PARP14: variants seen among roughly 807,000 people sequenced by gnomAD.
The protein encoded by PARP14 is poly(ADP-ribose) polymerase family member 14.
A neutral mutation model predicts 154.2 loss-of-function variants in PARP14; 59 were observed. The observed-to-expected ratio is 0.38, with a 90% CI of 0.31 to 0.48. PARP14 has a LOEUF of 0.48. PARP14 is among the 20% of genes least tolerant of loss of function. PARP14 has a pLI of 0.98. For missense variants in PARP14, 1,734 were observed against 2,131.6 expected, an observed-to-expected ratio of 0.81 and a Z score of 3.67; for synonymous variants, 720 against 780.5, an observed-to-expected ratio of 0.92 and a Z score of 1.29.
chr3:122,704,469 T>G, intron 7 of PARP14, 58 bp from the exon 8 acceptor site: 1 of 1,109,834 alleles, frequency 9.0e-7, no homozygotes, highest in Non-Finnish European at 1.3e-6. Flanking sequence ...TCTTGTCCTT[T>G]TTGTTCTAAC....
chr3:122,697,844 G>A (rs1938827517), intron 5 of PARP14, among the ~76,000 whole-genome samples: 1 of 152,184 alleles, frequency 6.6e-6, no homozygotes, highest in South Asian at 2.1e-4. Flanking sequence ...AAGCAGGATG[G>A]AGACTTTAAG....
chr3:122,727,223 A>T (rs1306750193), intron 15 of PARP14, among the ~76,000 whole-genome samples: 1 of 152,188 alleles, frequency 6.6e-6, no homozygotes, highest in Non-Finnish European at 1.5e-5. Context: ...ACTGCAACCC[A>T]GGACCCAAGC....
chr3:122,711,474 T>C (rs1387063980), intron 9 of PARP14, among the ~76,000 whole-genome samples: 2 of 152,202 alleles, frequency 1.3e-5, no homozygotes, highest in Non-Finnish European at 2.9e-5. Flanking sequence ...TGAAGTGCTG[T>C]TGGATTTTGT....
In PARP14 at chr3:122,700,492, C is replaced by G; in HGVS notation, c.1938C>G (p.Ile646Met). 2 of 1,611,236 alleles carry G rather than the reference C, an allele frequency of 1.2e-6. No individual in the cohort carries two copies. Among genetic ancestry groups the G allele is most frequent in the Non-Finnish European group, 1.7e-6 (2 of 1,178,408 alleles). Residue 646 changes from isoleucine (I) to methionine (M), a missense_variant, in exon 6 of 17, where the codon ATC becomes ATG. Coordinates refer to ENST00000474629, the MANE Select transcript of PARP14 (RefSeq NM_017554.3). ...CTTCAGAAACCACAGCTGAAGTCATCATTACAGGCTGTGTAAAAGAAGTAA... is the reference window on the plus strand; with the variant it reads ...CTTCAGAAACCACAGCTGAAGTCATGATTACAGGCTGTGTAAAAGAAGTAA... ...ELTSETTAEV[I>M]ITGCVKEVNE... is the part of the protein sequence containing the mutation.
chr3:122,697,589 G>C (rs994971287), intron 5 of PARP14, among the ~76,000 whole-genome samples: 1 of 152,192 alleles, frequency 6.6e-6, no homozygotes, highest in Non-Finnish European at 1.5e-5. Context: ...GGTAGATAGA[G>C]CTTGGTTTAA....
intron 12 of PARP14, among the ~76,000 whole-genome samples, 196 bp from the exon 13 acceptor site, chr3:122,717,875 C>T (rs1362643997): frequency 3.3e-5 from 5 of 152,316 alleles, no homozygotes; most frequent in South Asian, 2.1e-4. Context: ...GGCTTCCTGA[C>T]ATCCTGGAAC....
intron 12 of PARP14, among the ~76,000 whole-genome samples, chr3:122,715,995 T>C (rs1046992444): frequency 6.6e-6 from 1 of 152,204 alleles, no homozygotes; most frequent in Admixed American, 6.5e-5. Flanking sequence ...TCAGCACAAA[T>C]AAATCAGGGT....
Position 122,714,151 on chromosome 3 carries a change from G to T in PARP14, c.3833-111G>T, listed in dbSNP as rs560801875. 54 of 777,146 alleles carry T rather than the reference G, an allele frequency of 6.9e-5. No homozygotes were observed. The African/African-American group carries it at 8.8e-4, about 13-fold the overall frequency. The allele number at this position is 777,146 out of a possible 1,614,324, so 48.1% of individuals were successfully genotyped here. A position where few individuals can be genotyped will look rare whatever the true frequency, so the allele number is the denominator to read the frequency against. On this transcript the variant is annotated intron_variant, in intron 11 of 16. Coordinates refer to ENST00000474629, the MANE Select transcript of PARP14 (RefSeq NM_017554.3). ...TTCCATCAAAGATAGTATTTCAGGA[G>T]TTTTTTTTTTTTCACAAAATGCTTA...
In PARP14 at chr3:122,713,493, A is replaced by G; in HGVS notation, c.3689A>G (p.Gln1230Arg). 6.2e-7 allele frequency: 1 copy of G among 1,612,742 alleles called. No homozygotes were observed. Among genetic ancestry groups the G allele is most frequent in the Non-Finnish European group, 8.5e-7 (1 of 1,178,756 alleles). The change falls in exon 10 of 17, where the codon CAG becomes CGG. Residue 1230 changes from glutamine (Q) to arginine (R), a missense_variant. This residue lies in a region of PARP14 where 1,646 missense variants were observed against 1,976.0 expected (regional missense o/e 0.83). Coordinates refer to ENST00000474629, the MANE Select transcript of PARP14 (RefSeq NM_017554.3). ...ATGAAGATTGGCTCCATCATCTTCC[A>G]GGTGGCTTCTGGAGATATCACGAAA... ...YEMKIGSIIF[Q>R]VASGDITKEE...
chr3:122,692,340 G>T lies in PARP14; in HGVS notation c.395G>T (p.Gly132Val). 1 of 1,612,842 alleles carries T rather than the reference G, an allele frequency of 6.2e-7. No individual in the cohort carries two copies. Among genetic ancestry groups the T allele is most frequent in the South Asian group, 1.1e-5 (1 of 91,054 alleles). Reference protein sequence around the residue: ...EELDTKLPLDGGLDKMEDIPE... With the variant: ...EELDTKLPLDVGLDKMEDIPE... The stretch of plus-strand genomic sequence containing the variant: ...TTGGATACAAAACTCCCTCTTGATG[G>T]TGGATTAGACAAAATGGAAGATATC... Residue 132 changes from glycine to valine, a missense_variant, in exon 4 of 17, where the codon GGT (glycine) becomes GTT (valine). Gly to Val is a moderately radical substitution (Grantham distance 109). Transcript: ENST00000474629.
chr3:122,687,154 G>A, intron 3 of PARP14, 41 bp downstream of exon 3: 4 of 1,486,644 alleles, frequency 2.7e-6, no homozygotes, highest in Non-Finnish European at 3.7e-6. Flanking sequence ...TCACCAAGCT[G>A]TTTTGCATTT....
At chr3:122,702,883 G>A (rs986976894) in intron 6 of PARP14, among the ~76,000 whole-genome samples, 3 of 151,310 alleles carry the variant, frequency 2.0e-5, no homozygotes, top group Non-Finnish European at 2.9e-5. Flanking sequence ...CTTACTACTC[G>A]GAATGCTGAG....
chr3:122,707,147 G>A (rs780747863), intron 8 of PARP14, among the ~76,000 whole-genome samples: 3 of 152,004 alleles, frequency 2.0e-5, no homozygotes, highest in East Asian at 1.9e-4. Flanking sequence ...GGCTCGGAGC[G>A]GTGGCTCATG....
chr3:122,702,227 AT>A (rs918085494), intron 6 of PARP14, among the ~76,000 whole-genome samples: 18 of 151,850 alleles, frequency 1.2e-4, no homozygotes, highest in African/African-American at 4.3e-4. Context: ...TTTTCTTTTT[AT>A]TTTTTTGAGG....
intron 7 of PARP14, 60 bp downstream of exon 7, chr3:122,704,038 T>A: frequency 9.0e-7 from 1 of 1,111,522 alleles, no homozygotes; most frequent in Non-Finnish European, 1.4e-6. Context: ...CTCCTTTTAG[T>A]AGCATATTAA....
At position 122,703,744 on chromosome 3, in the gene PARP14, C is replaced by A. The variant is rs201071811; in HGVS notation, c.3084C>A (p.Thr1028=). 2 of 1,576,416 alleles carry A rather than the reference C, an allele frequency of 1.3e-6. No homozygotes were observed. Among genetic ancestry groups the A allele is most frequent in the Middle Eastern group, 1.7e-4 (1 of 5,882 alleles). ...LVKEGVQNAK[T]DVVVNSVPLD... ...AAATTTTTGGTTTTGTCTTTAAGAC[C>A]GATGTTGTTGTCAACTCCGTTCCCT... Residue 1028 remains threonine (T), a splice_region_variant and synonymous_variant, in exon 7 of 17, where the codon ACC becomes ACA. Transcript: ENST00000474629.
intron 14 of PARP14, among the ~76,000 whole-genome samples, 183 bp downstream of exon 14, chr3:122,719,141 T>G (rs899002488): frequency 1.3e-5 from 2 of 152,170 alleles, no homozygotes; most frequent in African/African-American, 4.8e-5. Context: ...CCAGAATGGA[T>G]GTACCCAAAA....
chr3:122,716,320 T>C (rs927717237), intron 12 of PARP14, among the ~76,000 whole-genome samples: 4 of 152,178 alleles, frequency 2.6e-5, no homozygotes, highest in African/African-American at 7.2e-5. Context: ...AAACATCACT[T>C]TCCATCTAGA....
At chr3:122,694,295 C>T (rs1474532408) in intron 4 of PARP14, among the ~76,000 whole-genome samples, 1 of 152,174 alleles carries the variant, frequency 6.6e-6, no homozygotes, top group Non-Finnish European at 1.5e-5. Flanking sequence ...CTTTCCCTAT[C>T]CATCTGGTAA....
Sources: allele counts gnomAD v4.1 joint callset (sites outside exome capture counted in the v4.1 genomes callset), GRCh38; gene constraint gnomAD v4.1.1; regional missense constraint gnomAD v4.1.1; transcripts MANE v1.5; gene names NCBI Gene and HGNC (gene_info 2026-07-23, HGNC 2026-07-21).